Variants in ANKRD50 observed in about 807,000 individuals in gnomAD.
ANKRD50 encodes the protein ankyrin repeat domain-containing protein 50.
Under a neutral mutation model 112.0 loss-of-function variants are expected in ANKRD50, and 40 were observed. The ratio of observed to expected loss-of-function variants is 0.36; its 90% CI spans 0.28 to 0.46. The LOEUF is 0.46. Ranked by LOEUF, ANKRD50 falls within the 20% of genes least tolerant of loss-of-function variation. The pLI is 1.00. For synonymous variants in ANKRD50, 613 were observed against 619.1 expected (o/e 0.99, Z 0.15); for missense variants, 1,487 against 1,701.7 (o/e 0.87, Z 2.22).
chr4:124,669,005 T>C lies in ANKRD50; in HGVS notation c.4272A>G (p.Lys1424=), dbSNP rs1730562626. The C allele has an allele frequency of 1.2e-6, 2 of 1,603,662 alleles. No individual in the cohort carries two copies. The highest frequency in any genetic ancestry group is 1.7e-6 in the Non-Finnish European group (2 of 1,177,394). The change falls in exon 4 of 5, where the codon AAA becomes AAG. Residue 1424 remains lysine, a synonymous_variant. Transcript: ENST00000504087. ...TTACCTTTTATAATGGTGTTTCCTT[T>C]TTATAGTTGAAGCTAGGGTCAGAAC... ...IEGSDPSFNY[K]KETPL is the part of the protein sequence containing the mutation.
chr4:124,687,890 TA>T (rs1725044194), intron 2 of ANKRD50, among the ~76,000 whole-genome samples: 2 of 152,342 alleles, frequency 1.3e-5, no homozygotes, highest in East Asian at 3.9e-4. Context: ...AGCAATGGCA[TA>T]GCCATTTCCA....
At position 124,666,683 on chromosome 4, in the gene ANKRD50, CT is replaced by C; in HGVS notation, c.*834del. 1 of 152,364 alleles carries C rather than the reference CT, an allele frequency of 6.6e-6. No homozygotes were observed. 9.4% of individuals were successfully genotyped at this position (152,364 alleles called of 1,614,324 possible). A position where few individuals can be genotyped will look rare whatever the true frequency, so the allele number is the denominator to read the frequency against. ...GCACACACATGTGACTGAGGCATGGCTTTGTCCCTGAGAATTTTCATGCCTC... is the reference window on the plus strand; with the variant it reads ...GCACACACATGTGACTGAGGCATGGCTTGTCCCTGAGAATTTTCATGCCTC... On this transcript the variant is annotated 3_prime_UTR_variant, in exon 5 of 5. Transcript: ENST00000504087.
rs2110504428 is a variant in ANKRD50, at chr4:124,666,513, TC to T, written c.*1004del. On this transcript the variant is annotated 3_prime_UTR_variant, in exon 5 of 5. Transcript: ENST00000504087. ...TTGATTTTGAGTGGGGCTATTTTGG[TC>T]ATGCAGCAATTTACAAAATAGAAAC... 6.6e-6 allele frequency: 1 copy of T among 152,478 alleles called. No individual in the cohort carries two copies. The highest frequency in any genetic ancestry group is 1.5e-5 in the Non-Finnish European group (1 of 67,920). 9.4% of individuals were successfully genotyped at this position (152,478 alleles called of 1,614,324 possible).
chr4:124,696,148 A>T (rs1725246939), intron 2 of ANKRD50, among the ~76,000 whole-genome samples: 1 of 152,118 alleles, frequency 6.6e-6, no homozygotes, highest in Admixed American at 6.5e-5. Flanking sequence ...ATGGATAAAA[A>T]TAGATAAAGA....
At chr4:124,672,689 TTTC>T (rs147000260) in intron 3 of ANKRD50, among the ~76,000 whole-genome samples, 155 bp from the exon 4 acceptor site, 6,269 of 152,138 alleles carry the variant, frequency 0.041, 150 homozygotes, top group Middle Eastern at 0.079. Context: ...GTAAATCAGT[TTTC>T]TTTTCTTTCT....
At chr4:124,703,673 T>A (rs973453447) in intron 2 of ANKRD50, among the ~76,000 whole-genome samples, 2 of 151,892 alleles carry the variant, frequency 1.3e-5, no homozygotes, top group African/African-American at 4.8e-5. Context: ...TCCAGGTTTT[T>A]TTTTTTTTCA....
chr4:124,688,860 G>T (rs574199560), intron 2 of ANKRD50, among the ~76,000 whole-genome samples: 1 of 152,124 alleles, frequency 6.6e-6, no homozygotes, highest in African/African-American at 2.4e-5. Context: ...CCCTGCACTT[G>T]GTTCTTTAAA....
At chr4:124,698,109 T>C (rs1447438718) in intron 2 of ANKRD50, among the ~76,000 whole-genome samples, 5 of 151,690 alleles carry the variant, frequency 3.3e-5, no homozygotes, top group East Asian at 2.0e-4. Context: ...AGGGTACTAG[T>C]ACAAGATATT....
rs763612249 is a variant in ANKRD50, at chr4:124,669,689, T to TC, written c.3587_3588insG (p.Ser1197IlefsTer11). The TC allele has an allele frequency of 6.2e-7, 1 of 1,613,060 alleles. No homozygotes were observed. The highest frequency in any genetic ancestry group is 8.5e-7 in the Non-Finnish European group (1 of 1,179,716). ...GCACTGTTTGAGCCGTTGCTGTAGA[T>TC]GAAGTAGTTCTCAAAGATGAATTTT... On this transcript the variant is annotated frameshift_variant, in exon 4 of 5. Transcript: ENST00000504087. LOFTEE classifies it high-confidence loss of function.
chr4:124,681,909 A>C (rs2110514322), intron 2 of ANKRD50, among the ~76,000 whole-genome samples: 1 of 152,328 alleles, frequency 6.6e-6, no homozygotes, highest in Admixed American at 6.5e-5. Context: ...CAAATAATTG[A>C]GAATGTCCCA....
chr4:124,710,557 C>A lies in ANKRD50; in HGVS notation c.-46G>T. 1.9e-6 allele frequency: 3 copies of A among 1,540,110 alleles called. No homozygotes were observed. Among genetic ancestry groups the A allele is most frequent in the Non-Finnish European group, 2.6e-6 (3 of 1,144,096 alleles). On this transcript the variant is annotated 5_prime_UTR_variant, in exon 2 of 5. Transcript: ENST00000504087. ...TTGCTAGAGTCTGGATACATCAACACAGGTCTTTCCATCCATTATGACATA... is the reference window on the plus strand; with the variant it reads ...TTGCTAGAGTCTGGATACATCAACAAAGGTCTTTCCATCCATTATGACATA...
At chr4:124,697,982 G>T (rs1267714158) in intron 2 of ANKRD50, among the ~76,000 whole-genome samples, 1 of 152,164 alleles carries the variant, frequency 6.6e-6, no homozygotes, top group Non-Finnish European at 1.5e-5. Context: ...GACCATGAAT[G>T]CATGAAACAA....
chr4:124,709,061 CCACACA>C (rs112440315), intron 2 of ANKRD50, among the ~76,000 whole-genome samples: 2 of 133,664 alleles, frequency 1.5e-5, no homozygotes, highest in East Asian at 4.8e-4. Flanking sequence ...CAGAAGAGAG[CCACACA>C]CACACACACA....
chr4:124,678,395 A>G (rs1462984669), intron 3 of ANKRD50, among the ~76,000 whole-genome samples: 1 of 152,180 alleles, frequency 6.6e-6, no homozygotes, highest in Non-Finnish European at 1.5e-5. Flanking sequence ...TCATGATACA[A>G]CAACATAACA....
chr4:124,704,559 C>T (rs1439742797), intron 2 of ANKRD50, among the ~76,000 whole-genome samples: 1 of 152,214 alleles, frequency 6.6e-6, no homozygotes, highest in Admixed American at 6.5e-5. Context: ...ACCTAAATCA[C>T]ATAACATTTC....
intron 2 of ANKRD50, among the ~76,000 whole-genome samples, chr4:124,704,429 G>C (rs1725459657): frequency 6.6e-6 from 1 of 152,186 alleles, no homozygotes; most frequent in Non-Finnish European, 1.5e-5. Flanking sequence ...TGAGACAGGA[G>C]ATAGATATCT....
At chr4:124,692,959 T>C (rs1331493387) in intron 2 of ANKRD50, among the ~76,000 whole-genome samples, 3 of 152,166 alleles carry the variant, frequency 2.0e-5, no homozygotes, top group African/African-American at 7.2e-5. Context: ...TAGATAATAT[T>C]ATCACTTCCA....
chr4:124,710,756 A>T lies in ANKRD50; in HGVS notation c.-245T>A. The stretch of plus-strand genomic sequence containing the variant: ...GGAGAAACGCCTGATTCCACAGCTC[A>T]GCAACACTTTTCCTAAATTTTAATG... On this transcript the variant is annotated 5_prime_UTR_variant, in exon 2 of 5. Transcript: ENST00000504087. The T allele has an allele frequency of 1.9e-6, 1 of 517,692 alleles. No individual in the cohort carries two copies. The highest frequency in any genetic ancestry group is 3.4e-6 in the Non-Finnish European group (1 of 293,976). The allele number at this position is 517,692 out of a possible 1,614,324, so 32.1% of individuals were successfully genotyped here.
chr4:124,673,907 A>G (rs981795522), intron 3 of ANKRD50, among the ~76,000 whole-genome samples: 12 of 152,076 alleles, frequency 7.9e-5, no homozygotes, highest in Non-Finnish European at 1.5e-4. Context: ...ATATATATGT[A>G]TACACACACA....
Sources: allele counts gnomAD v4.1 joint callset (sites outside exome capture counted in the v4.1 genomes callset), GRCh38; gene constraint gnomAD v4.1.1; transcripts MANE v1.5; gene names NCBI Gene and HGNC (gene_info 2026-07-23, HGNC 2026-07-21).